Variants in ARAP2 observed in about 807,000 individuals in gnomAD.
ARAP2 encodes the protein ArfGAP with RhoGAP domain, ankyrin repeat and PH domain 2.
A neutral mutation model predicts 194.5 loss-of-function variants in ARAP2; 148 were observed. That is an observed-to-expected ratio of 0.76 (90% CI 0.67 to 0.87). ARAP2 has a LOEUF of 0.87. Among genes scored for constraint, ARAP2 ranks in the 40% least tolerant of loss-of-function variants. ARAP2 has a pLI of 0.00. For missense variants in ARAP2, 2,128 were observed against 1,989.7 expected (o/e 1.07, Z -1.32); for synonymous variants, 695 against 683.5 (o/e 1.02, Z -0.26).
Position 36,165,033 on chromosome 4 carries a change from T to C in ARAP2, c.2054A>G (p.Tyr685Cys), listed in dbSNP as rs373077622. 9.9e-6 allele frequency: 16 copies of C among 1,614,000 alleles called. No individual in the cohort carries two copies. The Admixed American group carries it at 2.3e-4, about 24-fold the overall frequency. ...GAACCAAATCTTCTCAGCTACTTCATAATCAGAGAGAGTTTCTGCTATTGA... is the reference window on the plus strand; with the variant it reads ...GAACCAAATCTTCTCAGCTACTTCACAATCAGAGAGAGTTTCTGCTATTGA... ...QQSIAETLSD[Y>C]EVAEKIWFNE... is the part of the protein sequence containing the mutation. Residue 685 changes from tyrosine to cysteine, a missense_variant, in exon 11 of 33, where the codon TAT becomes TGT. Transcript: ENST00000303965.
At position 36,210,766 on chromosome 4, in the gene ARAP2, C is replaced by T. The variant is rs1292623916; in HGVS notation, c.1134-23G>A. 4 of 1,492,230 alleles carry T rather than the reference C, an allele frequency of 2.7e-6. No homozygotes were observed. In the African/African-American group the frequency reaches 4.2e-5, roughly 16 times the overall value. The allele number at this position is 1,492,230 out of a possible 1,614,324, so 92.4% of individuals were successfully genotyped here. ...ATGCTAAACGGAAAAATGATGTAAA[C>T]ATTTCAAAGTGCTATATGTGATTTA... is the stretch of plus-strand genomic sequence containing the variant. On this transcript the variant is annotated intron_variant, in intron 5 of 32. Coordinates refer to ENST00000303965, the MANE Select transcript of ARAP2 (RefSeq NM_015230.4).
chr4:36,064,932 A>C (rs1283078981), downstream of ARAP2: 1 of 154,970 alleles, frequency 6.5e-6, no homozygotes, highest in Non-Finnish European at 1.4e-5. Flanking sequence ...GACAAGAAGC[A>C]GGTAAAGGGA....
At position 36,177,833 on chromosome 4, in the gene ARAP2, GTT is replaced by G; in HGVS notation, c.1849_1850del (p.Asn617ArgfsTer5). ...TGACTATAACAGAGCTCACCTGTTC[GTT>G]TTTGCAAAGCCACACACTGTTTCCA... ...LSGNSVWLCK[N>X]EQDFKSGLGI... is the part of the protein sequence containing the mutation. On this transcript the variant is annotated frameshift_variant, in exon 9 of 33. Transcript: ENST00000303965. LOFTEE classifies it high-confidence loss of function. 1 of 1,600,198 alleles carries G rather than the reference GTT, an allele frequency of 6.2e-7. No individual in the cohort carries two copies. The highest frequency in any genetic ancestry group is 8.5e-7 in the Non-Finnish European group (1 of 1,174,884).
At chr4:36,062,633 A>AGAGTGT (rs1553882454), downstream of ARAP2, among the ~76,000 whole-genome samples, 3,232 of 148,242 alleles carry the variant, frequency 0.022, 56 homozygotes, top group Middle Eastern at 0.066. Context: ...TTTGTGTGAG[A>AGAGTGT]GTGTGTGTGT....
chr4:36,175,086 C>T lies in ARAP2; in HGVS notation c.1857+2741G>A, dbSNP rs1737562840. ...TATTAAGTTATGTGGGCAATAAATC[C>T]CATTTTAAAATAAAAGTAAGCCTTG... On this transcript the variant is annotated intron_variant, in intron 9 of 32. Coordinates refer to ENST00000303965, the MANE Select transcript of ARAP2 (RefSeq NM_015230.4). Among the ~76,000 whole-genome samples the T allele has an allele frequency of 2.0e-5, 3 of 151,966 alleles. No individual in the cohort carries two copies. The South Asian group carries it at 6.2e-4, about 32-fold the overall frequency.
At chr4:36,008,837 A>G (rs1162389725) in intron 9 of ARAP2, among the ~76,000 whole-genome samples, 2 of 152,156 alleles carry the variant, frequency 1.3e-5, no homozygotes, top group East Asian at 3.9e-4. Flanking sequence ...AAGAAACTTT[A>G]ACAAATCAAC....
chr4:36,234,943 A>C (rs115231931), intron 1 of ARAP2, among the ~76,000 whole-genome samples: 3,060 of 152,310 alleles, frequency 0.02, 46 homozygotes, highest in Non-Finnish European at 0.032. Flanking sequence ...ATGGCTGTGC[A>C]TTTGCCCATG....
At chr4:36,141,279 C>T (rs961274439) in intron 19 of ARAP2, among the ~76,000 whole-genome samples, 1 of 151,412 alleles carries the variant, frequency 6.6e-6, no homozygotes, top group Non-Finnish European at 1.5e-5. Flanking sequence ...AAAAGAAAAG[C>T]ACAGGATCTA....
intron 1 of ARAP2, among the ~76,000 whole-genome samples, chr4:36,233,609 A>G (rs61796598): frequency 0.14 from 21,406 of 152,152 alleles, 1,653 homozygotes; most frequent in Middle Eastern, 0.19. Flanking sequence ...TCCACTTTCT[A>G]GCAGTGTAAA....
chr4:36,135,633 T>C (rs1726514910), intron 19 of ARAP2, among the ~76,000 whole-genome samples: 1 of 151,828 alleles, frequency 6.6e-6, no homozygotes, highest in Admixed American at 6.6e-5. Context: ...AGCTCAAAAG[T>C]ATTCTATTGC....
rs748351868 is a variant in ARAP2 at position 36,124,982 on chromosome 4, A to G, written c.3641-15T>C. 1 of 1,524,120 alleles carries G rather than the reference A, an allele frequency of 6.6e-7. No individual in the cohort carries two copies. Among genetic ancestry groups the G allele is most frequent in the South Asian group, 1.1e-5 (1 of 88,422 alleles). 94.4% of individuals were successfully genotyped at this position (1,524,120 alleles called of 1,614,324 possible). On this transcript the variant is annotated splice_polypyrimidine_tract_variant and intron_variant, in intron 21 of 32. Transcript: ENST00000303965. ...ATCTTGCGTATCTGAAGGGGAAAAA[A>G]AAACAATCTTGAGATCTAAACTAAT...
chr4:36,231,359 AT>A, intron 1 of ARAP2, among the ~76,000 whole-genome samples: 1 of 152,056 alleles, frequency 6.6e-6, no homozygotes, highest in South Asian at 2.1e-4. Context: ...AAATAAATAA[AT>A]AAAAAATTTT....
intron 2 of ARAP2, among the ~76,000 whole-genome samples, chr4:36,215,863 AAAAC>A (rs1404004650): frequency 6.6e-6 from 1 of 152,022 alleles, no homozygotes; most frequent in African/African-American, 2.4e-5. Context: ...AAAAAAAACA[AAAAC>A]AAAGCACACA....
intron 1 of ARAP2, among the ~76,000 whole-genome samples, chr4:36,238,265 T>C (rs1488488506): frequency 2.0e-5 from 3 of 152,198 alleles, no homozygotes; most frequent in Non-Finnish European, 4.4e-5. Flanking sequence ...ATCCATCTTC[T>C]TTCATTCTCC....
intron 1 of ARAP2, among the ~76,000 whole-genome samples, chr4:36,240,680 G>A (rs1753341587): frequency 6.6e-6 from 1 of 152,186 alleles, no homozygotes; most frequent in Non-Finnish European, 1.5e-5. Context: ...CATTTAATTA[G>A]TGTCTTCTGG....
chr4:36,054,523 C>T (rs1577675055), intron 2 of ARAP2, among the ~76,000 whole-genome samples: 1 of 152,134 alleles, frequency 6.6e-6, no homozygotes, highest in East Asian at 1.9e-4. Flanking sequence ...TATGCACCTT[C>T]CAAAATCAAG....
intron 5 of ARAP2, among the ~76,000 whole-genome samples, chr4:36,045,050 G>T (rs1052598840): frequency 3.3e-5 from 5 of 152,082 alleles, no homozygotes; most frequent in African/African-American, 1.2e-4. Flanking sequence ...AAGATGTGTT[G>T]GTGAGCGTGT....
At chr4:36,227,559 A>C (rs1750608985) in intron 2 of ARAP2, among the ~76,000 whole-genome samples, 1 of 152,192 alleles carries the variant, frequency 6.6e-6, no homozygotes, top group South Asian at 2.1e-4. Flanking sequence ...CACTGCAATT[A>C]CCAAAGGTAC....
chr4:36,074,233 A>G (rs1727714205), intron 31 of ARAP2, among the ~76,000 whole-genome samples: 1 of 152,144 alleles, frequency 6.6e-6, no homozygotes, highest in Non-Finnish European at 1.5e-5. Flanking sequence ...TATATCCCAA[A>G]TCAACCTAAG....
Sources: allele counts gnomAD v4.1 joint callset (sites outside exome capture counted in the v4.1 genomes callset), GRCh38; gene constraint gnomAD v4.1.1; transcripts MANE v1.5; gene names NCBI Gene and HGNC (gene_info 2026-07-23, HGNC 2026-07-21).